MAGI3: variants seen among roughly 807,000 people sequenced by gnomAD.
The protein encoded by MAGI3 is membrane-associated guanylate kinase, WW and PDZ domain-containing protein 3.
MAGI3 carries 43 observed loss-of-function variants against 121.8 expected under a neutral mutation model. That is an observed-to-expected ratio of 0.35 (90% confidence interval 0.28 to 0.46). The LOEUF (loss-of-function observed/expected upper bound fraction) is 0.46. Ranked by LOEUF, MAGI3 falls within the 20% of genes least tolerant of loss-of-function variation. MAGI3 has a pLI of 1.00. For missense variants in MAGI3, 1,547 were observed against 1,797.3 expected, an observed-to-expected ratio of 0.86 and a Z score of 2.52; for synonymous variants, 553 against 639.3, an observed-to-expected ratio of 0.86 and a Z score of 2.04.
intron 12 of MAGI3, 134 bp from the exon 13 acceptor site, chr1:113,649,103 A>T (rs1405836037): frequency 5.0e-6 from 3 of 597,654 alleles, no homozygotes; most frequent in Non-Finnish European, 8.3e-6. Context: ...TCTTGTGCAA[A>T]TTTTCCATAT....
chr1:113,512,720 C>CA (rs1278600295), intron 1 of MAGI3, among the ~76,000 whole-genome samples: 4 of 152,160 alleles, frequency 2.6e-5, no homozygotes, highest in African/African-American at 9.7e-5. Context: ...TGGCACAAGA[C>CA]AGGGGTGCCC....
intron 12 of MAGI3, among the ~76,000 whole-genome samples, chr1:113,647,937 C>T (rs1417856165): frequency 1.5e-4 from 23 of 149,472 alleles, no homozygotes; most frequent in Non-Finnish European, 5.9e-5. Context: ...TTTTTTTTCC[C>T]CTGAGACAGA....
chr1:113,532,244 G>A (rs907304777), intron 1 of MAGI3, among the ~76,000 whole-genome samples: 4 of 151,996 alleles, frequency 2.6e-5, no homozygotes, highest in Non-Finnish European at 5.9e-5. Flanking sequence ...AGTCAAATAT[G>A]AATGTTTGTA....
chr1:113,528,012 T>G (rs1006113896), intron 1 of MAGI3, among the ~76,000 whole-genome samples: 7 of 152,126 alleles, frequency 4.6e-5, no homozygotes, highest in Non-Finnish European at 1.5e-5. Flanking sequence ...TGAAACCATT[T>G]CAAAGTAAAT....
intron 1 of MAGI3, among the ~76,000 whole-genome samples, chr1:113,478,041 C>T (rs746113093): frequency 1.1e-4 from 16 of 152,128 alleles, no homozygotes; most frequent in South Asian, 6.2e-4. Context: ...CTTGTGCAGG[C>T]GTCACGAAGT....
At chr1:113,472,949 A>C (rs1361634025) in intron 1 of MAGI3, among the ~76,000 whole-genome samples, 1 of 152,244 alleles carries the variant, frequency 6.6e-6, no homozygotes, top group East Asian at 1.9e-4. Flanking sequence ...AAGTTGTTTT[A>C]ATACATTTTA....
chr1:113,521,123 A>G (rs1007801546), intron 1 of MAGI3, among the ~76,000 whole-genome samples: 55 of 145,364 alleles, frequency 3.8e-4, no homozygotes, highest in African/African-American at 1.0e-3. Flanking sequence ...GTCTCGCTCT[A>G]TCACCCAGGC....
chr1:113,633,463 G>A (rs1006416404), intron 9 of MAGI3, among the ~76,000 whole-genome samples: 66 of 150,690 alleles, frequency 4.4e-4, no homozygotes, highest in African/African-American at 1.1e-3. Context: ...GGGTTTCACC[G>A]TTTTAGCCGG....
chr1:113,495,700 G>A (rs193083533), intron 1 of MAGI3, among the ~76,000 whole-genome samples: 18 of 152,262 alleles, frequency 1.2e-4, no homozygotes, highest in African/African-American at 4.3e-4. Context: ...TAACAAATAA[G>A]CAGAGTAATG....
rs200863199 is a variant in MAGI3 at position 113,674,493 on chromosome 1, C to G, written c.3189+1028C>G. 2.7e-5 allele frequency among the ~76,000 whole-genome samples: 4 copies of G among 150,158 alleles called. No homozygotes were observed. In the East Asian group the frequency reaches 7.8e-4, roughly 29 times the overall value. On this transcript the variant is annotated intron_variant, in intron 19 of 20. Coordinates refer to ENST00000307546, the MANE Select transcript of MAGI3 (RefSeq NM_001142782.2). ...GTGATACATTAAAAACTTTTAATTT[C>G]TAGACACCGTTCCCCCTACTACTCA...
At chr1:113,647,564 A>C (rs758066234) in intron 12 of MAGI3, among the ~76,000 whole-genome samples, 22 of 152,186 alleles carry the variant, frequency 1.4e-4, no homozygotes, top group Non-Finnish European at 3.2e-4. Context: ...ACTAATGATA[A>C]ATCTTTTCCA....
At chr1:113,593,571 C>A (rs909916042) in intron 5 of MAGI3, among the ~76,000 whole-genome samples, 1 of 152,034 alleles carries the variant, frequency 6.6e-6, no homozygotes, top group East Asian at 1.9e-4. Flanking sequence ...ATAACAATAA[C>A]TTTAATTTAC....
chr1:113,684,010 A>G lies in MAGI3; in HGVS notation c.4442A>G (p.Gln1481Arg), dbSNP rs574114035. The change falls in exon 21 of 21, where the codon CAG (glutamine) becomes CGG (arginine). Residue 1481 changes from glutamine to arginine, a missense_variant. By Grantham distance (43) the Gln-to-Arg change is conservative. Transcript: ENST00000307546. ...TGTIGMAEKR[Q>R] ...ACTATTGGTATGGCTGAGAAACGGC[A>G]GTAACCTTTAGTATAAAACAAAGAA... The G allele has an allele frequency of 3.2e-6, 5 of 1,553,182 alleles. No individual in the cohort carries two copies. The highest frequency in any genetic ancestry group is 2.5e-5 in the South Asian group (2 of 80,598).
At chr1:113,507,523 T>G (rs993763760) in intron 1 of MAGI3, among the ~76,000 whole-genome samples, 3 of 152,174 alleles carry the variant, frequency 2.0e-5, no homozygotes, top group African/African-American at 7.2e-5. Context: ...TCCTGTTGAT[T>G]TTTTTCTTAG....
intron 1 of MAGI3, among the ~76,000 whole-genome samples, chr1:113,406,204 CTG>C (rs1319607533): frequency 6.7e-6 from 1 of 149,076 alleles, no homozygotes; most frequent in African/African-American, 2.5e-5. Flanking sequence ...CTTTGGGAGA[CTG>C]AGGTGGGAGG....
At chr1:113,603,920 C>T (rs1002701990) in intron 6 of MAGI3, among the ~76,000 whole-genome samples, 3 of 152,036 alleles carry the variant, frequency 2.0e-5, no homozygotes, top group Admixed American at 6.6e-5. Context: ...ATCAGGGATG[C>T]GTAAATTAAA....
chr1:113,401,459 AAGTT>A (rs1651397993), intron 1 of MAGI3, among the ~76,000 whole-genome samples: 1 of 152,136 alleles, frequency 6.6e-6, no homozygotes, highest in South Asian at 2.1e-4. Context: ...ATCAAGCAGA[AAGTT>A]AGTATTCTTG....
chr1:113,668,745 G>A (rs1203036921), intron 16 of MAGI3, among the ~76,000 whole-genome samples: 1 of 151,070 alleles, frequency 6.6e-6, no homozygotes, highest in African/African-American at 2.4e-5. Flanking sequence ...ACCGCGCCCG[G>A]CTAATTTTTT....
chr1:113,587,191 G>GTGTA (rs1378042089), intron 4 of MAGI3, among the ~76,000 whole-genome samples: 1 of 95,780 alleles, frequency 1.0e-5, no homozygotes, highest in African/African-American at 5.0e-5. Context: ...GTTGTTTTTT[G>GTGTA]TTTATTTGTT....
Sources: allele counts gnomAD v4.1 joint callset (sites outside exome capture counted in the v4.1 genomes callset), GRCh38; gene constraint gnomAD v4.1.1; transcripts MANE v1.5; gene names NCBI Gene and HGNC (gene_info 2026-07-23, HGNC 2026-07-21).